The following BCL7A variants were observed in gnomAD, a reference collection of about 807,000 sequenced individuals.
BCL7A encodes the protein BAF chromatin remodeling complex subunit BCL7A, also known as B-cell CLL/lymphoma 7 protein family member A.
A neutral mutation model predicts 28.4 loss-of-function variants in BCL7A; 11 were observed. The ratio of observed to expected loss-of-function variants is 0.39; its 90% CI spans 0.24 to 0.64. BCL7A has a LOEUF of 0.64. Among genes scored for constraint, BCL7A ranks in the 30% least tolerant of loss-of-function variants. The probability of loss-of-function intolerance (pLI) is 0.50; values close to 1 mark genes in which losing one functional copy is unlikely to be tolerated. For missense variants in BCL7A, 222 were observed against 274.8 expected (o/e 0.81, Z 1.36); for synonymous variants, 123 against 103.3 (o/e 1.19, Z -1.15).
At chr12:122,047,108 T>C (rs1884092814) in intron 4 of BCL7A, among the ~76,000 whole-genome samples, 1 of 151,872 alleles carries the variant, frequency 6.6e-6, no homozygotes, top group South Asian at 2.1e-4. Context: ...TTCACCATGT[T>C]GGCCAGGCTG....
chr12:122,039,925 C>T (rs529531957), intron 3 of BCL7A, among the ~76,000 whole-genome samples: 24 of 152,246 alleles, frequency 1.6e-4, no homozygotes, highest in African/African-American at 5.8e-4. Flanking sequence ...TTTCCAAACT[C>T]CTGAGTTCAA....
chr12:122,061,466 T>C lies in BCL7A; in HGVS notation c.*2303T>C, dbSNP rs1486226944. 1 of 232,114 alleles carries C rather than the reference T, an allele frequency of 4.3e-6. No homozygotes were observed. Among genetic ancestry groups the C allele is most frequent in the Non-Finnish European group, 8.5e-6 (1 of 117,472 alleles). 14.4% of individuals were successfully genotyped at this position (232,114 alleles called of 1,614,324 possible). ...GCGCCAGCAGCCCTGCACTCCACGC[T>C]GGCCAAGAAGGCCTTCCACGCAGAA... On this transcript the variant is annotated 3_prime_UTR_variant, in exon 6 of 6. Coordinates refer to ENST00000261822, the MANE Select transcript of BCL7A (RefSeq NM_001024808.3).
rs1382669336 is a variant in BCL7A, at chr12:122,029,127, C to T, written c.93-1573C>T. Among the ~76,000 whole-genome samples the T allele has an allele frequency of 2.6e-5, 4 of 152,154 alleles. No individual in the cohort carries two copies. The highest frequency in any genetic ancestry group is 9.7e-5 in the African/African-American group (4 of 41,426). On this transcript the variant is annotated intron_variant, in intron 1 of 5. Transcript: ENST00000261822. This position sits in a 1 kb window ranked among gnomAD's most constrained non-coding sequence, Gnocchi z 4.3. The stretch of plus-strand genomic sequence containing the variant: ...GGAGAATGAGTTCACCTTCACCGCC[C>T]TGTGCCTCGGTTTCTTTATCTGTCA...
chr12:122,028,999 C>T (rs533154670), intron 1 of BCL7A, among the ~76,000 whole-genome samples: 3 of 152,124 alleles, frequency 2.0e-5, no homozygotes, highest in African/African-American at 4.8e-5. Context: ...CTTAGACACT[C>T]GTCTTTCCTG....
intron 3 of BCL7A, among the ~76,000 whole-genome samples, chr12:122,036,331 A>T (rs1376738029): frequency 4.6e-5 from 7 of 152,136 alleles, no homozygotes; most frequent in African/African-American, 1.7e-4. Flanking sequence ...CAGGAGTTCA[A>T]GGCTGCAGTG....
chr12:122,022,304 C>G, intron 1 of BCL7A, 121 bp downstream of exon 1: 1 of 508,856 alleles, frequency 2.0e-6, no homozygotes, highest in Non-Finnish European at 2.5e-6. Context: ...GCCGCGGGCC[C>G]CGGGACTTGG....
chr12:122,031,247 T>C (rs536319797), intron 2 of BCL7A, among the ~76,000 whole-genome samples: 148 of 152,316 alleles, frequency 9.7e-4, no homozygotes, highest in African/African-American at 3.5e-3. Flanking sequence ...CAGGCTCGTC[T>C]TGAACTCCTG....
intron 5 of BCL7A, 171 bp downstream of exon 5, chr12:122,055,097 C>T: frequency 7.3e-7 from 1 of 1,374,350 alleles, no homozygotes; most frequent in South Asian, 1.4e-5. Flanking sequence ...CTGGGCTCTG[C>T]CTTGGGCTCT....
intron 1 of BCL7A, among the ~76,000 whole-genome samples, chr12:122,026,248 C>G (rs905119183): frequency 3.1e-5 from 4 of 129,998 alleles, no homozygotes; most frequent in African/African-American, 1.2e-4. Flanking sequence ...GCCTGGGCGA[C>G]AGAGCGAGAC....
At chr12:122,043,735 CAAA>C (rs58278577) in intron 3 of BCL7A, 148 bp from the exon 4 acceptor site, 96 of 621,482 alleles carry the variant, frequency 1.5e-4, no homozygotes, top group Non-Finnish European at 1.9e-4. Flanking sequence ...AGATCCGTCT[CAAA>C]AAAAAAAAAA....
chr12:122,025,584 G>A (rs1289588151), intron 1 of BCL7A, among the ~76,000 whole-genome samples: 3 of 150,598 alleles, frequency 2.0e-5, no homozygotes, highest in Non-Finnish European at 3.0e-5. Context: ...CGGAGATTGC[G>A]CCACCGCACT....
At chr12:122,026,271 A>G (rs1053641149) in intron 1 of BCL7A, among the ~76,000 whole-genome samples, 1 of 150,398 alleles carries the variant, frequency 6.6e-6, no homozygotes, top group Non-Finnish European at 1.5e-5. Flanking sequence ...CGTCTCAAAA[A>G]AAAAAAAAAA....
At chr12:122,055,085 T>G in intron 5 of BCL7A, 159 bp downstream of exon 5, 1 of 1,433,496 alleles carries the variant, frequency 7.0e-7, no homozygotes, top group Non-Finnish European at 9.5e-7. Flanking sequence ...ATGAACACAG[T>G]CCTGGGCTCT....
intron 4 of BCL7A, among the ~76,000 whole-genome samples, chr12:122,047,670 A>G (rs545032124): frequency 2.0e-5 from 3 of 152,192 alleles, no homozygotes; most frequent in Admixed American, 6.5e-5. Flanking sequence ...GACTACAGAC[A>G]TGCACCACCA....
intron 5 of BCL7A, among the ~76,000 whole-genome samples, chr12:122,058,541 C>G (rs1054921733): frequency 2.6e-5 from 4 of 152,176 alleles, no homozygotes; most frequent in Non-Finnish European, 1.5e-5. Flanking sequence ...TGCCTGTAAT[C>G]ACAGCTACTT....
intron 2 of BCL7A, 114 bp downstream of exon 2, chr12:122,030,895 C>T: frequency 9.2e-7 from 1 of 1,090,780 alleles, no homozygotes; most frequent in South Asian, 1.4e-5. Flanking sequence ...GACCAAGAGC[C>T]CCTGGGAGTA....
chr12:122,050,836 G>A (rs531923960), intron 4 of BCL7A, among the ~76,000 whole-genome samples: 8 of 152,340 alleles, frequency 5.3e-5, no homozygotes, highest in South Asian at 2.1e-4. Flanking sequence ...TGCCTCCCTC[G>A]CCGGGAGCGA....
rs144878918 is a variant in BCL7A at position 122,052,606 on chromosome 12, A to G, written c.440-2199A>G. On this transcript the variant is annotated intron_variant, in intron 4 of 5. Transcript: ENST00000261822. ...ACTTTTCATATAAATGGAATCATAT[A>G]CTCTGTGGCCTTTTGTGTCTGACTT... Among the ~76,000 whole-genome samples the G allele has an allele frequency of 2.0e-5, 3 of 151,734 alleles. No individual in the cohort carries two copies. The East Asian group carries it at 5.8e-4, about 29-fold the overall frequency.
At chr12:122,047,289 T>C (rs947216802) in intron 4 of BCL7A, among the ~76,000 whole-genome samples, 1 of 150,736 alleles carries the variant, frequency 6.6e-6, no homozygotes. Flanking sequence ...TTTGGGAGGC[T>C]GAGGCGGGCG....
Sources: gnomAD v4.1 joint callset for allele counts (sites outside exome capture counted in the v4.1 genomes callset) on GRCh38, gnomAD v4.1.1 for gene constraint, Gnocchi (gnomAD v3.1) non-coding constraint, MANE v1.5 for transcripts, NCBI Gene and HGNC (gene_info 2026-07-23, HGNC 2026-07-21) for gene names.